The following SLC7A14 variants were observed in gnomAD, a reference collection of about 807,000 sequenced individuals.
SLC7A14 encodes the protein solute carrier family 7 member 14.
Under a neutral mutation model 60.2 loss-of-function variants are expected in SLC7A14, and 37 were observed. That is an observed-to-expected ratio of 0.61 (90% CI 0.47 to 0.81). The LOEUF is 0.81. Ranked by LOEUF, SLC7A14 falls within the 30% of genes least tolerant of loss-of-function variation. The pLI is 0.00. For missense variants in SLC7A14, 886 were observed against 982.7 expected (o/e 0.90, Z 1.32); for synonymous variants, 399 against 395.8 (o/e 1.01, Z -0.10).
chr3:170,572,507 C>T (rs1714985390), intron 1 of SLC7A14, among the ~76,000 whole-genome samples: 1 of 152,104 alleles, frequency 6.6e-6, no homozygotes, highest in Admixed American at 6.6e-5. Context: ...CAATAAGTTG[C>T]TATATTGGAA....
At chr3:170,566,732 T>C (rs1714800032) in intron 1 of SLC7A14, among the ~76,000 whole-genome samples, 1 of 151,760 alleles carries the variant, frequency 6.6e-6, no homozygotes, top group Non-Finnish European at 1.5e-5. Flanking sequence ...ATTGAGCTTG[T>C]AATAAAATAC....
At chr3:170,495,074 G>A (rs1464567229) in intron 4 of SLC7A14, among the ~76,000 whole-genome samples, 1 of 152,174 alleles carries the variant, frequency 6.6e-6, no homozygotes, top group Non-Finnish European at 1.5e-5. Flanking sequence ...ACTATTCATG[G>A]AATACGATGC....
intron 2 of SLC7A14, among the ~76,000 whole-genome samples, chr3:170,507,278 A>G (rs921517898): frequency 1.3e-4 from 20 of 152,248 alleles, no homozygotes; most frequent in African/African-American, 4.6e-4. Flanking sequence ...AATGAATGAC[A>G]GAGACACAAA....
At chr3:170,540,349 A>G (rs920765033) in intron 1 of SLC7A14, among the ~76,000 whole-genome samples, 4 of 152,182 alleles carry the variant, frequency 2.6e-5, no homozygotes, top group Admixed American at 2.6e-4. Flanking sequence ...TAGAAGTTCC[A>G]TGTAGCTCCT....
At chr3:170,507,732 GCTCT>G (rs762931931) in intron 2 of SLC7A14, among the ~76,000 whole-genome samples, 25 of 152,276 alleles carry the variant, frequency 1.6e-4, no homozygotes, top group Non-Finnish European at 3.2e-4. Flanking sequence ...ATAGTTTAAA[GCTCT>G]CTCTTAGTTG....
intron 4 of SLC7A14, among the ~76,000 whole-genome samples, chr3:170,488,758 TGG>T (rs1036530598): frequency 1.3e-5 from 2 of 152,194 alleles, no homozygotes; most frequent in Non-Finnish European, 2.9e-5. Context: ...AAGAAAACAT[TGG>T]GGGAAAATCT....
At chr3:170,484,329 A>G (rs1362563826) in intron 5 of SLC7A14, among the ~76,000 whole-genome samples, 1 of 152,212 alleles carries the variant, frequency 6.6e-6, no homozygotes, top group Admixed American at 6.5e-5. Flanking sequence ...CCCTCCTTCA[A>G]CACTCTGCCT....
chr3:170,468,324 G>A (rs751259071), intron 7 of SLC7A14, among the ~76,000 whole-genome samples: 1 of 151,572 alleles, frequency 6.6e-6, no homozygotes, highest in Non-Finnish European at 1.5e-5. Context: ...TTGAGACAGG[G>A]TCTCACTCTG....
At chr3:170,471,598 G>A (rs781538487) in intron 7 of SLC7A14, among the ~76,000 whole-genome samples, 1 of 152,072 alleles carries the variant, frequency 6.6e-6, no homozygotes, top group African/African-American at 2.4e-5. Context: ...ACCTTATGAG[G>A]CTACACACGT....
chr3:170,479,570 A>G (rs1342268927), intron 7 of SLC7A14, among the ~76,000 whole-genome samples: 2 of 152,356 alleles, frequency 1.3e-5, no homozygotes, highest in East Asian at 3.9e-4. Context: ...ATTCACACCC[A>G]AAATTGTAGA....
At chr3:170,530,652 G>A (rs1449785211) in intron 1 of SLC7A14, among the ~76,000 whole-genome samples, 1 of 152,186 alleles carries the variant, frequency 6.6e-6, no homozygotes, top group Non-Finnish European at 1.5e-5. Flanking sequence ...TTGTAGCTGC[G>A]GCAGAATCTT....
chr3:170,459,781 C>A lies in SLC7A14; in HGVS notation c.*7274G>T, dbSNP rs1024086460. Reference sequence around the variant, plus strand: ...AGGTTAACAAAATATGGGAAGGCTCCTTTTTCTTTTCTTTCTTTTTTTTTG... The same window carrying A: ...AGGTTAACAAAATATGGGAAGGCTCATTTTTCTTTTCTTTCTTTTTTTTTG... On this transcript the variant is annotated 3_prime_UTR_variant, in exon 8 of 8. Coordinates refer to ENST00000231706, the MANE Select transcript of SLC7A14 (RefSeq NM_020949.3). 2.6e-5 allele frequency: 4 copies of A among 151,938 alleles called. No individual in the cohort carries two copies. Among genetic ancestry groups the A allele is most frequent in the Admixed American group, 6.6e-5 (1 of 15,252 alleles). The allele number at this position is 151,938 out of a possible 1,614,324, so 9.4% of individuals were successfully genotyped here. A position where few individuals can be genotyped will look rare whatever the true frequency, so the allele number is the denominator to read the frequency against.
At chr3:170,476,552 T>C (rs1050652355) in intron 7 of SLC7A14, among the ~76,000 whole-genome samples, 9 of 152,232 alleles carry the variant, frequency 5.9e-5, no homozygotes, top group Non-Finnish European at 1.3e-4. Context: ...AGTTTTCCTC[T>C]GCCTGATAGC....
intron 4 of SLC7A14, among the ~76,000 whole-genome samples, chr3:170,488,107 T>C (rs1392759584): frequency 6.6e-6 from 1 of 152,208 alleles, no homozygotes; most frequent in Non-Finnish European, 1.5e-5. Flanking sequence ...TACATTTCAA[T>C]ATAATTGATT....
chr3:170,549,668 C>T (rs1560277425), intron 1 of SLC7A14, among the ~76,000 whole-genome samples: 1 of 152,144 alleles, frequency 6.6e-6, no homozygotes, highest in Non-Finnish European at 1.5e-5. Context: ...TACCCGATGC[C>T]CTGGGGAGAG....
At chr3:170,573,942 G>A (rs1715017451) in intron 1 of SLC7A14, among the ~76,000 whole-genome samples, 1 of 152,208 alleles carries the variant, frequency 6.6e-6, no homozygotes, top group South Asian at 2.1e-4. Flanking sequence ...ATCTTCTATT[G>A]TATGTGGCTA....
chr3:170,518,456 C>T (rs1306960257), intron 2 of SLC7A14, among the ~76,000 whole-genome samples: 1 of 152,170 alleles, frequency 6.6e-6, no homozygotes, highest in Admixed American at 6.5e-5. Flanking sequence ...CCTAAGCTTC[C>T]TTTTGGCCTT....
chr3:170,476,375 G>A (rs781080578), intron 7 of SLC7A14, among the ~76,000 whole-genome samples: 8 of 152,222 alleles, frequency 5.3e-5, no homozygotes, highest in African/African-American at 1.7e-4. Context: ...TGTGATTTGC[G>A]GGCTGTGCAT....
chr3:170,527,048 C>A lies in SLC7A14; in HGVS notation c.-112G>T. 1 of 1,131,754 alleles carries A rather than the reference C, an allele frequency of 8.8e-7. No homozygotes were observed. Among genetic ancestry groups the A allele is most frequent in the Non-Finnish European group, 1.2e-6 (1 of 816,062 alleles). The allele number at this position is 1,131,754 out of a possible 1,614,324, so 70.1% of individuals were successfully genotyped here. ...ACAGGGATCTCCCTTTTAGGAAAGG[C>A]CCAGAGGGACCCAGTGCAGCCTTCT... On this transcript the variant is annotated 5_prime_UTR_variant, in exon 2 of 8. Transcript: ENST00000231706.
Sources: gnomAD v4.1 joint callset for allele counts (sites outside exome capture counted in the v4.1 genomes callset) on GRCh38, gnomAD v4.1.1 for gene constraint, MANE v1.5 for transcripts, NCBI Gene and HGNC (gene_info 2026-07-23, HGNC 2026-07-21) for gene names.